SEMA3A: variants seen among roughly 807,000 people sequenced by gnomAD.
SEMA3A encodes the protein semaphorin 3A, also known as semaphorin-3A.
In SEMA3A, 29 loss-of-function variants were observed where a neutral mutation model predicts 97.9. That is an observed-to-expected ratio of 0.30 (90% CI 0.22 to 0.40). The LOEUF is 0.40. Among genes scored for constraint, SEMA3A ranks in the 10% least tolerant of loss-of-function variants. SEMA3A has a pLI of 1.00. For missense variants in SEMA3A, 763 were observed against 951.3 expected, an observed-to-expected ratio of 0.80 and a Z score of 2.60; for synonymous variants, 321 against 323.7, an observed-to-expected ratio of 0.99 and a Z score of 0.09.
chr7:84,128,998 T>C (rs1562799717), intron 3 of SEMA3A, 125 bp downstream of exon 3: 5 of 676,310 alleles, frequency 7.4e-6, no homozygotes, highest in Admixed American at 2.6e-5. Flanking sequence ...TTATTATATA[T>C]ATGAAAAGAT....
intron 1 of SEMA3A, among the ~76,000 whole-genome samples, chr7:84,399,903 C>G (rs1562933033): frequency 6.6e-6 from 1 of 152,168 alleles, no homozygotes; most frequent in Non-Finnish European, 1.5e-5. Flanking sequence ...ATCACCCCTC[C>G]CCCAACTCCA....
intron 4 of SEMA3A, among the ~76,000 whole-genome samples, chr7:84,087,720 T>C (rs894355436): frequency 6.6e-6 from 1 of 152,160 alleles, no homozygotes; most frequent in Non-Finnish European, 1.5e-5. Flanking sequence ...AGTAGTTGAT[T>C]ATTGTTATAT....
At chr7:84,263,924 C>T (rs977474190) in intron 3 of SEMA3A, among the ~76,000 whole-genome samples, 5 of 152,070 alleles carry the variant, frequency 3.3e-5, no homozygotes, top group East Asian at 3.9e-4. Flanking sequence ...ATTTGAATAG[C>T]GGCAACACAA....
intron 3 of SEMA3A, among the ~76,000 whole-genome samples, chr7:84,230,936 C>T (rs1274176691): frequency 2.0e-5 from 3 of 151,858 alleles, no homozygotes; most frequent in Non-Finnish European, 4.4e-5. Flanking sequence ...CCCAGTTATT[C>T]CAACAGCATT....
chr7:84,290,059 C>T (rs1000189893), intron 3 of SEMA3A, among the ~76,000 whole-genome samples: 6 of 152,002 alleles, frequency 3.9e-5, no homozygotes, highest in Non-Finnish European at 2.9e-5. Context: ...CAAATCGATA[C>T]AGGCAAGAAT....
intron 1 of SEMA3A, among the ~76,000 whole-genome samples, chr7:84,475,598 A>C (rs931050622): frequency 6.6e-6 from 1 of 152,210 alleles, no homozygotes; most frequent in African/African-American, 2.4e-5. Context: ...TTCACATAAC[A>C]TGCAACCTGG....
At position 83,964,291 on chromosome 7, in the gene SEMA3A, T is replaced by C. The variant is rs372594283; in HGVS notation, c.1718-944A>G. ...CTGTACAATCTGAAACTCATTAAAT[T>C]AATTTAGAAAATAATAAATATGTTT... is the stretch of plus-strand genomic sequence containing the variant. On this transcript the variant is annotated intron_variant, in intron 15 of 16. Transcript: ENST00000265362. 1.3e-4 allele frequency among the ~76,000 whole-genome samples: 20 copies of C among 152,316 alleles called. 1 individual carries two copies. The highest frequency in any genetic ancestry group is 4.6e-4 in the African/African-American group (19 of 41,574).
At chr7:84,314,352 T>A (rs1801442570) in intron 2 of SEMA3A, among the ~76,000 whole-genome samples, 1 of 152,138 alleles carries the variant, frequency 6.6e-6, no homozygotes, top group Non-Finnish European at 1.5e-5. Flanking sequence ...GCAATAGGAT[T>A]ACACTTGCCA....
intron 15 of SEMA3A, among the ~76,000 whole-genome samples, chr7:83,971,430 CAAAAAA>C (rs58083024): frequency 2.3e-5 from 3 of 132,754 alleles, no homozygotes; most frequent in Non-Finnish European, 4.9e-5. Flanking sequence ...GAAACTCCAT[CAAAAAA>C]AAAAAAAAAA....
At chr7:84,225,481 T>C (rs1798968301) in intron 3 of SEMA3A, among the ~76,000 whole-genome samples, 2 of 152,104 alleles carry the variant, frequency 1.3e-5, no homozygotes, top group Admixed American at 1.3e-4. Context: ...TCTTGGAGGT[T>C]TGTTGATCTG....
chr7:84,341,063 G>A (rs988474196), intron 2 of SEMA3A, among the ~76,000 whole-genome samples: 7 of 152,048 alleles, frequency 4.6e-5, no homozygotes, highest in African/African-American at 1.7e-4. Flanking sequence ...CATGTACAAA[G>A]CAAAACAAAG....
At chr7:84,074,022 A>T (rs2115766150) in intron 4 of SEMA3A, among the ~76,000 whole-genome samples, 1 of 152,240 alleles carries the variant, frequency 6.6e-6, no homozygotes, top group Non-Finnish European at 1.5e-5. Flanking sequence ...GAACATCTAC[A>T]TTTACATCTG....
intron 3 of SEMA3A, among the ~76,000 whole-genome samples, chr7:84,248,634 G>A (rs1201027047): frequency 6.6e-6 from 1 of 151,646 alleles, no homozygotes; most frequent in Non-Finnish European, 1.5e-5. Context: ...TTTCAGACAC[G>A]TTTCAATAAA....
At chr7:84,403,911 G>C (rs942678633) in intron 1 of SEMA3A, among the ~76,000 whole-genome samples, 3 of 152,124 alleles carry the variant, frequency 2.0e-5, no homozygotes, top group African/African-American at 4.8e-5. Context: ...CATCATCAAA[G>C]ACCAAAGGTA....
chr7:84,141,886 G>T (rs560278366), intron 1 of SEMA3A, among the ~76,000 whole-genome samples: 1 of 152,216 alleles, frequency 6.6e-6, no homozygotes, highest in East Asian at 1.9e-4. Context: ...TGGCTGCATA[G>T]TATTCCATGA....
intron 1 of SEMA3A, among the ~76,000 whole-genome samples, chr7:84,417,618 A>G (rs1467558549): frequency 6.6e-6 from 1 of 152,140 alleles, no homozygotes; most frequent in Non-Finnish European, 1.5e-5. Context: ...TATGCAAATT[A>G]TAATAACAAA....
At chr7:84,270,488 C>A (rs112123955) in intron 3 of SEMA3A, among the ~76,000 whole-genome samples, 10,985 of 149,742 alleles carry the variant, frequency 0.073, 1,369 homozygotes, top group African/African-American at 0.25. Context: ...GCAATAATAT[C>A]TTTTTCTTTC....
chr7:84,055,066 G>T (rs1792894144), intron 5 of SEMA3A, among the ~76,000 whole-genome samples: 1 of 152,012 alleles, frequency 6.6e-6, no homozygotes, highest in African/African-American at 2.4e-5. Context: ...CCCGTTCTCA[G>T]ATCTCCAGCT....
At chr7:84,371,500 T>C (rs977065281) in intron 2 of SEMA3A, among the ~76,000 whole-genome samples, 2 of 151,890 alleles carry the variant, frequency 1.3e-5, no homozygotes, top group African/African-American at 4.8e-5. Context: ...GTTCAGACTA[T>C]AGCATCAACT....
Sources: allele counts gnomAD v4.1 joint callset (sites outside exome capture counted in the v4.1 genomes callset), GRCh38; gene constraint gnomAD v4.1.1; transcripts MANE v1.5; gene names NCBI Gene and HGNC (gene_info 2026-07-23, HGNC 2026-07-21).